Variants in DST observed in about 807,000 individuals in gnomAD.
The protein encoded by DST is bullous pemphigoid antigen.
DST carries 253 observed loss-of-function variants against 875.2 expected under a neutral mutation model. The ratio of observed to expected loss-of-function variants is 0.29; its 90% CI spans 0.26 to 0.32. The LOEUF is 0.32. Ranked by LOEUF, DST falls within the 10% of genes least tolerant of loss-of-function variation. The probability of loss-of-function intolerance (pLI) is 1.00; values close to 1 mark genes in which losing one functional copy is unlikely to be tolerated. For synonymous variants in DST, 3,124 were observed against 3,197.1 expected (o/e 0.98, Z 0.77); for missense variants, 8,287 against 9,111.6 (o/e 0.91, Z 3.68).
At chr6:56,487,080 A>C in intron 87 of DST, 24 bp downstream of exon 87, 1 of 1,612,528 alleles carries the variant, frequency 6.2e-7, no homozygotes, top group Non-Finnish European at 8.5e-7. Context: ...CAGAGTAACC[A>C]AACTGTCTTA....
At chr6:56,592,411 T>C (rs2098293876) in intron 48 of DST, 53 bp from the exon 49 acceptor site, 4 of 1,372,594 alleles carry the variant, frequency 2.9e-6, no homozygotes, top group South Asian at 1.3e-5. Flanking sequence ...TATTTTCATA[T>C]GCATCAAATA....
At chr6:56,585,475 T>C (rs1365359463) in intron 49 of DST, among the ~76,000 whole-genome samples, 2 of 152,070 alleles carry the variant, frequency 1.3e-5, no homozygotes, top group Non-Finnish European at 2.9e-5. Context: ...TCTATTTGAT[T>C]CTTCTCTCTT....
Position 56,620,773 on chromosome 6 carries a change from A to G in DST, c.4929+3757T>C, listed in dbSNP as rs2098683642. On this transcript the variant is annotated intron_variant, in intron 36 of 103. Transcript: ENST00000680361. ...TTCTGTTCAAAATATCTTACAACGT[A>G]TGAATCAATGTTCATAAAAGTACTT... 1.8e-5 allele frequency: 27 copies of G among 1,475,630 alleles called. No homozygotes were observed. In the South Asian group the frequency reaches 2.9e-4, roughly 16 times the overall value. The allele number at this position is 1,475,630 out of a possible 1,614,324, so 91.4% of individuals were successfully genotyped here.
intron 4 of DST, among the ~76,000 whole-genome samples, chr6:56,848,913 G>A (rs1419927155): frequency 6.6e-6 from 1 of 150,530 alleles, no homozygotes; most frequent in Non-Finnish European, 1.5e-5. Context: ...GGTGGTGCAT[G>A]CCTGTGGTCC....
At chr6:56,842,083 A>AT (rs34334015) in intron 4 of DST, among the ~76,000 whole-genome samples, 18,403 of 151,650 alleles carry the variant, frequency 0.12, 1,561 homozygotes, top group Non-Finnish European at 0.18. Context: ...GTTTAGTTCA[A>AT]TTTTTTTTTA....
intron 38 of DST, 81 bp downstream of exon 38, chr6:56,611,415 CATTGCAATTAAA>C: frequency 1.3e-6 from 1 of 785,664 alleles, no homozygotes; most frequent in Non-Finnish European, 2.2e-6. Flanking sequence ...CCATATTTAA[CATTGCAATTAAA>C]ATTTACCACC....
At chr6:56,851,940 T>A (rs1165925892) in intron 3 of DST, 2 of 1,520,838 alleles carry the variant, frequency 1.3e-6, no homozygotes, top group Non-Finnish European at 1.8e-6. Flanking sequence ...ACAGCCTTCC[T>A]GTTACAAACC....
chr6:56,576,185 C>A (rs2097860603), intron 50 of DST, among the ~76,000 whole-genome samples: 1 of 152,146 alleles, frequency 6.6e-6, no homozygotes, highest in South Asian at 2.1e-4. Context: ...ATGGCATGCC[C>A]ATAGAGGGCA....
intron 2 of DST, among the ~76,000 whole-genome samples, chr6:56,939,210 A>G (rs1814972693): frequency 6.6e-6 from 1 of 152,246 alleles, no homozygotes; most frequent in Non-Finnish European, 1.5e-5. Flanking sequence ...GTGAAGTGAG[A>G]ATAACAAAGT....
chr6:56,879,154 T>C (rs1780834707), intron 3 of DST, among the ~76,000 whole-genome samples: 1 of 152,212 alleles, frequency 6.6e-6, no homozygotes, highest in Admixed American at 6.5e-5. Flanking sequence ...TTCAACTTTC[T>C]ACGTATCTTA....
intron 100 of DST, chr6:56,464,177 CTATTGAGG>C (rs1161415704): frequency 2.7e-5 from 9 of 337,910 alleles, no homozygotes; most frequent in Non-Finnish European, 5.1e-5. Flanking sequence ...TTTGCATGTA[CTATTGAGG>C]TAAAGAGAAT....
chr6:56,768,842 A>C (rs2099641530), intron 4 of DST, among the ~76,000 whole-genome samples: 1 of 152,078 alleles, frequency 6.6e-6, no homozygotes, highest in Non-Finnish European at 1.5e-5. Context: ...AGGTCAAGGC[A>C]GGCGGATCAA....
chr6:56,820,202 A>T (rs2099771448), intron 4 of DST, among the ~76,000 whole-genome samples: 1 of 152,216 alleles, frequency 6.6e-6, no homozygotes, highest in African/African-American at 2.4e-5. Context: ...CAAAATAAGG[A>T]TACTTTAAGT....
At chr6:56,799,772 C>A (rs984204370) in intron 4 of DST, among the ~76,000 whole-genome samples, 1 of 152,008 alleles carries the variant, frequency 6.6e-6, no homozygotes, top group African/African-American at 2.4e-5. Context: ...CAGGCACGCA[C>A]CACCATGCCC....
At position 56,572,221 on chromosome 6, in the gene DST, A is replaced by T; in HGVS notation, c.13600T>A (p.Leu4534Met). 2 of 1,577,818 alleles carry T rather than the reference A, an allele frequency of 1.3e-6. No homozygotes were observed. Among genetic ancestry groups the T allele is most frequent in the Non-Finnish European group, 1.7e-6 (2 of 1,161,014 alleles). ...GATATCTCCTTCAAGAGACTATGCAAAACTTCAAGATGTTTCTTGTGTTCT... is the reference window on the plus strand; with the variant it reads ...GATATCTCCTTCAAGAGACTATGCATAACTTCAAGATGTTTCTTGTGTTCT... Reference protein sequence around the residue: ...FLEHKKHLEVLHSLLKEISSH... With the variant: ...FLEHKKHLEVMHSLLKEISSH... Residue 4534 changes from leucine (L) to methionine (M), a missense_variant, in exon 53 of 104, where the codon TTG becomes ATG. Around this residue, in one of 10 missense-constraint regions of DST, gnomAD observed 1,513 missense variants for 1,677.8 expected, o/e 0.90. Coordinates refer to ENST00000680361, the MANE Select transcript of DST (RefSeq NM_001374736.1).
At chr6:56,911,823 T>G (rs1159700565) in intron 2 of DST, among the ~76,000 whole-genome samples, 3 of 152,176 alleles carry the variant, frequency 2.0e-5, no homozygotes, top group Admixed American at 1.3e-4. Flanking sequence ...AAATGTTAGA[T>G]TAGCCCAAGC....
chr6:56,609,299 C>G lies in DST; in HGVS notation c.5329G>C (p.Val1777Leu). 1 of 1,613,186 alleles carries G rather than the reference C, an allele frequency of 6.2e-7. No homozygotes were observed. Among genetic ancestry groups the G allele is most frequent in the East Asian group, 2.2e-5 (1 of 44,868 alleles). Residue 1777 changes from valine (V) to leucine (L), a missense_variant, in exon 40 of 104, where the codon GTC (valine) becomes CTC (leucine). Coordinates refer to ENST00000680361, the MANE Select transcript of DST (RefSeq NM_001374736.1). Reference sequence around the variant, plus strand: ...AAAACTGCTTGAAAGACTGAAAGGACTTCTCCAGTTGTCTGATCAATGGTG... The same window carrying G: ...AAAACTGCTTGAAAGACTGAAAGGAGTTCTCCAGTTGTCTGATCAATGGTG... ...AGTIDQTTGE[V>L]LSVFQAVLRG...
At chr6:56,806,262 T>C (rs1233461191) in intron 4 of DST, among the ~76,000 whole-genome samples, 1 of 152,220 alleles carries the variant, frequency 6.6e-6, no homozygotes, top group Non-Finnish European at 1.5e-5. Context: ...CTAGTTAAGT[T>C]ATTGCCCAAT....
At chr6:56,625,033 T>C in intron 35 of DST, 124 bp downstream of exon 35, 2 of 741,750 alleles carry the variant, frequency 2.7e-6, no homozygotes, top group South Asian at 1.5e-5. Context: ...AAACTGTACA[T>C]TTAAAATTGT....
Sources: gnomAD v4.1 joint callset for allele counts (sites outside exome capture counted in the v4.1 genomes callset) on GRCh38, gnomAD v4.1.1 for gene constraint, gnomAD v4.1.1 regional missense constraint, MANE v1.5 for transcripts, NCBI Gene and HGNC (gene_info 2026-07-23, HGNC 2026-07-21) for gene names.